CD3E: variants seen among roughly 807,000 people sequenced by gnomAD.
CD3E encodes T-cell surface glycoprotein CD3 epsilon chain.
CD3E carries 16 observed loss-of-function variants against 34.7 expected under a neutral mutation model. That is an observed-to-expected ratio of 0.46 (90% CI 0.31 to 0.70). The LOEUF is 0.70. CD3E is among the 30% of genes least tolerant of loss of function. The probability of loss-of-function intolerance (pLI) is 0.05; values close to 1 mark genes in which losing one functional copy is unlikely to be tolerated. For synonymous variants in CD3E, 70 were observed against 90.8 expected, an observed-to-expected ratio of 0.77 and a Z score of 1.30; for missense variants, 223 against 253.9, an observed-to-expected ratio of 0.88 and a Z score of 0.83.
chr11:118,307,921 C>T (rs1199509692), intron 3 of CD3E, among the ~76,000 whole-genome samples: 2 of 152,190 alleles, frequency 1.3e-5, no homozygotes, highest in African/African-American at 4.8e-5. Flanking sequence ...GTAATCCCAG[C>T]ACTTTGGGAG....
chr11:118,307,935 G>A (rs992689321), intron 3 of CD3E, among the ~76,000 whole-genome samples: 1 of 152,140 alleles, frequency 6.6e-6, no homozygotes, highest in African/African-American at 2.4e-5. Flanking sequence ...TTGGGAGGCC[G>A]AGGTGGGCAG....
intron 2 of CD3E, among the ~76,000 whole-genome samples, 197 bp from the exon 3 acceptor site, chr11:118,307,091 A>G (rs1468865861): frequency 6.6e-6 from 1 of 151,950 alleles, no homozygotes; most frequent in Non-Finnish European, 1.5e-5. Context: ...TTCCCCCCAA[A>G]TTTCCTGGGA....
intron 4 of CD3E, among the ~76,000 whole-genome samples, chr11:118,308,865 T>C (rs1287862775): frequency 2.0e-5 from 3 of 152,162 alleles, no homozygotes; most frequent in African/African-American, 7.2e-5. Flanking sequence ...GAGAGACAAA[T>C]AATTGAAAAT....
chr11:118,315,681 T>C lies in CD3E; in HGVS notation c.*139T>C. The C allele has an allele frequency of 1.3e-6, 1 of 742,876 alleles. No homozygotes were observed. Among genetic ancestry groups the C allele is most frequent in the Non-Finnish European group, 2.4e-6 (1 of 423,418 alleles). The allele number at this position is 742,876 out of a possible 1,614,324, so 46.0% of individuals were successfully genotyped here. A position where few individuals can be genotyped will look rare whatever the true frequency, so the allele number is the denominator to read the frequency against. ...CATGGTGAACTCGCGCCCTCCAGCCTGATCCCCCGCTCCCTCCTCCCTGCC... is the reference window on the plus strand; with the variant it reads ...CATGGTGAACTCGCGCCCTCCAGCCCGATCCCCCGCTCCCTCCTCCCTGCC... On this transcript the variant is annotated 3_prime_UTR_variant, in exon 9 of 9. Transcript: ENST00000361763.
At chr11:118,313,896 A>G (rs201496843) in intron 7 of CD3E, 22 bp downstream of exon 7, 3 of 1,611,862 alleles carry the variant, frequency 1.9e-6, no homozygotes, top group Non-Finnish European at 2.5e-6. Flanking sequence ...GAGTCCAGTC[A>G]GAGGAGATTC....
Position 118,315,553 on chromosome 11 carries a change from A to T in CD3E, c.*11A>T, listed in dbSNP as rs1565512124. ...CAGAGACGCATCTGACCCTCTGGAG[A>T]ACACTGCCTCCCGCTGGCCCAGGTC... On this transcript the variant is annotated 3_prime_UTR_variant, in exon 9 of 9. Coordinates refer to ENST00000361763, the MANE Select transcript of CD3E (RefSeq NM_000733.4). The T allele has an allele frequency of 6.2e-7, 1 of 1,609,856 alleles. No homozygotes were observed. The highest frequency in any genetic ancestry group is 8.5e-7 in the Non-Finnish European group (1 of 1,178,196).
chr11:118,306,129 A>G (rs994421428), intron 2 of CD3E, among the ~76,000 whole-genome samples: 4 of 152,132 alleles, frequency 2.6e-5, no homozygotes, highest in African/African-American at 9.7e-5. Flanking sequence ...TGACTCCTGT[A>G]AGGAGTGGCC....
rs1400639359 is a variant in CD3E at position 118,312,205 on chromosome 11, GA to G, written c.103+36del. 1.0e-5 allele frequency: 16 copies of G among 1,583,148 alleles called. No individual in the cohort carries two copies. In the South Asian group the frequency reaches 1.7e-4, roughly 16 times the overall value. ...TTGGTCTTTTATTTATGCCCTGTCT[GA>G]GGATGCAGATTGGTGGGTAGATGAG... On this transcript the variant is annotated intron_variant, in intron 5 of 8. Transcript: ENST00000361763.
intron 6 of CD3E, chr11:118,313,377 T>C (rs3782041): frequency 0.68 from 273,189 of 401,512 alleles, 94,122 homozygotes; most frequent in South Asian, 0.75. Context: ...TCTCAACAAC[T>C]ATATGGGTTA....
rs1399107704 is a variant in CD3E, at chr11:118,304,944, G to A, written c.-9G>A. On this transcript the variant is annotated 5_prime_UTR_variant, in exon 2 of 9. The change abolishes an upstream ATG in the 5' untranslated region. Transcript: ENST00000361763. The stretch of plus-strand genomic sequence containing the variant: ...CATCTTAGTAAAGTAACAGTCCCAT[G>A]AAACAAAGATGCAGTCGGGCACTCA... The A allele has an allele frequency of 6.2e-7, 1 of 1,613,824 alleles. No individual in the cohort carries two copies. The highest frequency in any genetic ancestry group is 8.5e-7 in the Non-Finnish European group (1 of 1,179,726).
chr11:118,311,025 G>A (rs1214082976), intron 4 of CD3E, among the ~76,000 whole-genome samples: 1 of 152,224 alleles, frequency 6.6e-6, no homozygotes, highest in Non-Finnish European at 1.5e-5. Context: ...CACCTGCTAT[G>A]TGTCATTCAC....
chr11:118,312,631 C>T lies in CD3E; in HGVS notation c.117C>T (p.Ser39=), dbSNP rs1369383330. Residue 39 remains serine (S), a synonymous_variant, in exon 6 of 9, where the codon TCC becomes TCT. Coordinates refer to ENST00000361763, the MANE Select transcript of CD3E (RefSeq NM_000733.4). The part of the protein sequence containing the change: ...GGITQTPYKV[S]ISGTTVILTC... ...CTTTCTCCCCAGCATATAAAGTCTC[C>T]ATCTCTGGAACCACAGTAATATTGA... 1 of 1,614,174 alleles carries T rather than the reference C, an allele frequency of 6.2e-7. No individual in the cohort carries two copies. The highest frequency in any genetic ancestry group is 1.7e-5 in the Admixed American group (1 of 60,024).
At chr11:118,312,071 A>C in intron 4 of CD3E, 82 bp from the exon 5 acceptor site, 1 of 1,214,060 alleles carries the variant, frequency 8.2e-7, no homozygotes, top group Admixed American at 1.7e-5. Flanking sequence ...GGCAGTGTCT[A>C]ATTCCACTAG....
At chr11:118,314,643 C>T (rs1244585497) in intron 8 of CD3E, 149 bp downstream of exon 8, 9 of 713,400 alleles carry the variant, frequency 1.3e-5, no homozygotes, top group Non-Finnish European at 7.4e-6. Context: ...GCCACCTCTG[C>T]GTCCTTCATG....
At chr11:118,311,358 T>TG (rs1478966482) in intron 4 of CD3E, among the ~76,000 whole-genome samples, 1 of 152,202 alleles carries the variant, frequency 6.6e-6, no homozygotes, top group Admixed American at 6.5e-5. Flanking sequence ...ATGGCTGCTG[T>TG]GGGAAACACA....
Position 118,313,698 on chromosome 11 carries a change from C to A in CD3E, c.353-9C>A. ...GTGATTTCCCCTCTCCCCACCCCAC[C>A]CCCCACAGTGTGTGAGAACTGCATG... On this transcript the variant is annotated splice_polypyrimidine_tract_variant and intron_variant, in intron 6 of 8. Transcript: ENST00000361763. 6.2e-7 allele frequency: 1 copy of A among 1,613,626 alleles called. No homozygotes were observed. The highest frequency in any genetic ancestry group is 8.5e-7 in the Non-Finnish European group (1 of 1,179,732).
At chr11:118,306,102 T>C (rs1255221945) in intron 2 of CD3E, among the ~76,000 whole-genome samples, 1 of 151,936 alleles carries the variant, frequency 6.6e-6, no homozygotes, top group Admixed American at 6.6e-5. Flanking sequence ...ACATATTGAG[T>C]AGCGAGGGGC....
intron 1 of CD3E, 24 bp from the exon 2 acceptor site, chr11:118,304,870 T>C (rs1391872852): frequency 8.5e-6 from 10 of 1,183,242 alleles, no homozygotes; most frequent in Non-Finnish European, 1.3e-5. Flanking sequence ...TTTGAAAAAG[T>C]CATCTGTTTT....
At chr11:118,309,276 C>T (rs1185295983) in intron 4 of CD3E, among the ~76,000 whole-genome samples, 3 of 152,114 alleles carry the variant, frequency 2.0e-5, no homozygotes, top group Non-Finnish European at 2.9e-5. Flanking sequence ...CATTATCTGA[C>T]ATAAAAGGCA....
Sources: allele counts gnomAD v4.1 joint callset (sites outside exome capture counted in the v4.1 genomes callset), GRCh38; gene constraint gnomAD v4.1.1; transcripts MANE v1.5; gene names NCBI Gene and HGNC (gene_info 2026-07-23, HGNC 2026-07-21).